Variants in GRM7 observed in about 807,000 individuals in gnomAD.
GRM7 encodes the protein metabotropic glutamate receptor 7.
GRM7 carries 35 observed loss-of-function variants against 84.5 expected under a neutral mutation model. The observed-to-expected ratio is 0.41, with a 90% confidence interval of 0.32 to 0.55. The LOEUF is 0.55. Among genes scored for constraint, GRM7 ranks in the 20% least tolerant of loss-of-function variants. The pLI is 0.19. For missense variants in GRM7, 1,003 were observed against 1,194.6 expected (o/e 0.84, Z 2.36); for synonymous variants, 487 against 455.1 (o/e 1.07, Z -0.89).
At chr3:7,388,044 C>T (rs573441563) in intron 4 of GRM7, among the ~76,000 whole-genome samples, 2 of 151,926 alleles carry the variant, frequency 1.3e-5, no homozygotes, top group East Asian at 1.9e-4. Context: ...TTATTGTTTT[C>T]GTGGCCATTA....
At chr3:6,973,862 G>T (rs1477674981) in intron 1 of GRM7, among the ~76,000 whole-genome samples, 1 of 152,174 alleles carries the variant, frequency 6.6e-6, no homozygotes, top group Non-Finnish European at 1.5e-5. Flanking sequence ...GTAAGGACTT[G>T]AGTTTTGTTT....
At chr3:7,637,008 C>T (rs1000997902) in intron 8 of GRM7, among the ~76,000 whole-genome samples, 3 of 152,158 alleles carry the variant, frequency 2.0e-5, no homozygotes, top group Non-Finnish European at 2.9e-5. Flanking sequence ...GTGGTCATGG[C>T]ATGAGAATAC....
chr3:7,679,205 A>G (rs1258829757), intron 8 of GRM7, among the ~76,000 whole-genome samples: 1 of 152,152 alleles, frequency 6.6e-6, no homozygotes, highest in Non-Finnish European at 1.5e-5. Context: ...AAAATAAAGA[A>G]AAGGGGCATG....
intron 2 of GRM7, among the ~76,000 whole-genome samples, chr3:7,232,006 T>C (rs1032736951): frequency 2.0e-5 from 3 of 152,100 alleles, no homozygotes; most frequent in Non-Finnish European, 4.4e-5. Context: ...AGTACACAGA[T>C]CATTGAGAAG....
intron 7 of GRM7, among the ~76,000 whole-genome samples, chr3:7,514,899 T>C (rs1425972907): frequency 1.3e-5 from 2 of 152,068 alleles, no homozygotes; most frequent in Non-Finnish European, 2.9e-5. Context: ...CTCTAAAACC[T>C]AATAGTGTTT....
chr3:7,148,009 C>T (rs566563174), intron 2 of GRM7, among the ~76,000 whole-genome samples: 12 of 152,108 alleles, frequency 7.9e-5, no homozygotes, highest in South Asian at 6.2e-4. Context: ...GAGACCATGT[C>T]TGTCTCATTT....
At chr3:7,426,577 C>T (rs988476556) in intron 5 of GRM7, among the ~76,000 whole-genome samples, 5 of 152,134 alleles carry the variant, frequency 3.3e-5, no homozygotes, top group African/African-American at 9.7e-5. Flanking sequence ...GCTCCCATCA[C>T]GATCTAGGGC....
At chr3:7,431,881 A>G (rs1696844895) in intron 5 of GRM7, among the ~76,000 whole-genome samples, 1 of 152,122 alleles carries the variant, frequency 6.6e-6, no homozygotes, top group African/African-American at 2.4e-5. Context: ...ATAAATATGC[A>G]TTCAAATGCT....
At chr3:6,950,447 G>A (rs1231312274) in intron 1 of GRM7, among the ~76,000 whole-genome samples, 4 of 152,212 alleles carry the variant, frequency 2.6e-5, no homozygotes, top group Non-Finnish European at 4.4e-5. Flanking sequence ...CCGGCCGTGT[G>A]AGGTGTCAGT....
At chr3:7,443,413 G>C (rs993019440) in intron 5 of GRM7, among the ~76,000 whole-genome samples, 1 of 151,890 alleles carries the variant, frequency 6.6e-6, no homozygotes, top group African/African-American at 2.4e-5. Context: ...TCTCATAAAT[G>C]TCTTTATAAA....
intron 7 of GRM7, chr3:7,560,339 G>T (rs1419521348): frequency 6.6e-6 from 1 of 152,014 alleles, no homozygotes; most frequent in Non-Finnish European, 1.5e-5. Context: ...CGGCCCCTGT[G>T]GAGGAAAATG....
intron 1 of GRM7, among the ~76,000 whole-genome samples, chr3:6,878,752 T>C (rs1695406150): frequency 6.6e-6 from 1 of 152,202 alleles, no homozygotes; most frequent in African/African-American, 2.4e-5. Context: ...TATATTTTTC[T>C]TGAATGCTCT....
intron 8 of GRM7, among the ~76,000 whole-genome samples, chr3:7,616,534 C>T (rs1697087922): frequency 6.6e-6 from 1 of 152,160 alleles, no homozygotes; most frequent in Admixed American, 6.6e-5. Context: ...TCTTTCATGA[C>T]TCCAGACACA....
intron 2 of GRM7, among the ~76,000 whole-genome samples, chr3:7,227,442 G>A (rs1032172767): frequency 4.6e-5 from 7 of 152,128 alleles, no homozygotes; most frequent in South Asian, 2.1e-4. Flanking sequence ...ATATTGTACC[G>A]CAGAAGGTAG....
Position 6,861,802 on chromosome 3 carries a change from C to G in GRM7, c.414C>G (p.Asn138Lys). ...ACACCTCCGACGTGCGCTGCACCAACGGCGAACCGCCGGTTTTCGTCAAGC... is the reference window on the plus strand; with the variant it reads ...ACACCTCCGACGTGCGCTGCACCAAGGGCGAACCGCCGGTTTTCGTCAAGC... Reference protein sequence around the residue: ...QKDTSDVRCTNGEPPVFVKPE... With the variant: ...QKDTSDVRCTKGEPPVFVKPE... Residue 138 changes from asparagine (N) to lysine (K), a missense_variant, in exon 1 of 10, where the codon AAC becomes AAG. Asn to Lys is a moderately conservative substitution (Grantham distance 94, BLOSUM62 0). This residue lies in a region of GRM7 where 910 missense variants were observed against 1,126.0 expected (regional missense o/e 0.81). Transcript: ENST00000357716. The surrounding 1 kb of genome is among the most constrained non-coding windows in gnomAD (Gnocchi z 6.4). 1.2e-6 allele frequency: 2 copies of G among 1,614,174 alleles called. No individual in the cohort carries two copies. Among genetic ancestry groups the G allele is most frequent in the Non-Finnish European group, 1.7e-6 (2 of 1,180,040 alleles).
intron 1 of GRM7, among the ~76,000 whole-genome samples, chr3:6,883,920 T>G (rs2124968134): frequency 6.6e-6 from 1 of 152,288 alleles, no homozygotes; most frequent in South Asian, 2.1e-4. Context: ...CAACGTACTG[T>G]GCAGGGCAGA....
At chr3:7,144,770 A>G (rs1336169102) in intron 1 of GRM7, among the ~76,000 whole-genome samples, 1 of 152,232 alleles carries the variant, frequency 6.6e-6, no homozygotes, top group Non-Finnish European at 1.5e-5. Flanking sequence ...ACATCTTGTC[A>G]ATACCAAATC....
chr3:6,957,987 C>G (rs913365325), intron 1 of GRM7, among the ~76,000 whole-genome samples: 14 of 152,116 alleles, frequency 9.2e-5, no homozygotes, highest in African/African-American at 3.4e-4. Context: ...CAGGGGAACA[C>G]AGAAGGATGT....
In GRM7 at chr3:7,068,372, ACT is replaced by A. The variant is rs1385991657; in HGVS notation, c.520-78079_520-78078del. On this transcript the variant is annotated intron_variant, in intron 1 of 9. Transcript: ENST00000357716. Reference sequence around the variant, plus strand: ...ATGTGGGAATCACATCGATTTAAACACTGTTTTGCTCAGGTCAATAAAGGCCT... The same window carrying A: ...ATGTGGGAATCACATCGATTTAAACAGTTTTGCTCAGGTCAATAAAGGCCT... Among the ~76,000 whole-genome samples the A allele has an allele frequency of 1.8e-4, 27 of 152,168 alleles. No homozygotes were observed. In the East Asian group the frequency reaches 4.1e-3, roughly 23 times the overall value.
Sources: gnomAD v4.1 joint callset for allele counts (sites outside exome capture counted in the v4.1 genomes callset) on GRCh38, gnomAD v4.1.1 for gene constraint, gnomAD v4.1.1 regional missense constraint, Gnocchi (gnomAD v3.1) non-coding constraint, MANE v1.5 for transcripts, NCBI Gene and HGNC (gene_info 2026-07-23, HGNC 2026-07-21) for gene names.